AHCYL2: variants seen among roughly 807,000 people sequenced by gnomAD.
The protein encoded by AHCYL2 is adenosylhomocysteinase like 2.
Under a neutral mutation model 81.4 loss-of-function variants are expected in AHCYL2, and 28 were observed. The ratio of observed to expected loss-of-function variants is 0.34; its 90% CI spans 0.25 to 0.47. The LOEUF is 0.47. Ranked by LOEUF, AHCYL2 falls within the 20% of genes least tolerant of loss-of-function variation. AHCYL2 has a pLI of 1.00. For missense variants in AHCYL2, 551 were observed against 785.1 expected (o/e 0.70, Z 3.56); for synonymous variants, 272 against 290.2 (o/e 0.94, Z 0.64).
At chr7:129,399,355 G>A (rs1333414769) in intron 5 of AHCYL2, among the ~76,000 whole-genome samples, 1 of 150,730 alleles carries the variant, frequency 6.6e-6, no homozygotes, top group Non-Finnish European at 1.5e-5. Flanking sequence ...GCTAAGGCAG[G>A]AGAATCGCTT....
chr7:129,328,043 C>T (rs907940476), intron 1 of AHCYL2, among the ~76,000 whole-genome samples: 1 of 152,216 alleles, frequency 6.6e-6, no homozygotes, highest in Admixed American at 6.5e-5. Context: ...AGTGATCTTC[C>T]TATGTCTGCC....
At chr7:129,369,488 T>G (rs922234026) in intron 1 of AHCYL2, among the ~76,000 whole-genome samples, 1 of 152,164 alleles carries the variant, frequency 6.6e-6, no homozygotes, top group African/African-American at 2.4e-5. Context: ...CAACTATTTT[T>G]TATTGTTTTG....
rs141381723 is a variant in AHCYL2, at chr7:129,244,135, A to G, written c.363+18696A>G. ...AGCCTCAGCCTTCCCTGTAGCTGGGACTACAGGTGTATGGGCCATCATGCC... is the reference window on the plus strand; with the variant it reads ...AGCCTCAGCCTTCCCTGTAGCTGGGGCTACAGGTGTATGGGCCATCATGCC... On this transcript the variant is annotated intron_variant, in intron 1 of 16. Transcript: ENST00000325006. Among the ~76,000 whole-genome samples, 327 of 150,614 alleles carry G rather than the reference A, an allele frequency of 2.2e-3. 1 individual carries two copies. Among genetic ancestry groups the G allele is most frequent in the African/African-American group, 7.2e-3 (293 of 40,966 alleles).
chr7:129,298,013 C>T (rs1050933517), intron 1 of AHCYL2, among the ~76,000 whole-genome samples: 2 of 152,092 alleles, frequency 1.3e-5, no homozygotes, highest in African/African-American at 2.4e-5. Context: ...TGGGTGACAG[C>T]GAGATCCTGT....
At chr7:129,414,231 T>C (rs1796732615) in intron 12 of AHCYL2, among the ~76,000 whole-genome samples, 1 of 152,164 alleles carries the variant, frequency 6.6e-6, no homozygotes, top group African/African-American at 2.4e-5. Context: ...TTTTCCAAAC[T>C]GTAGTAATTG....
At chr7:129,244,167 A>ATTTTT (rs201537468) in intron 1 of AHCYL2, among the ~76,000 whole-genome samples, 1 of 123,224 alleles carries the variant, frequency 8.1e-6, no homozygotes. Context: ...TGCCTAATTC[A>ATTTTT]TTTTTTTTTT....
At position 129,368,700 on chromosome 7, in the gene AHCYL2, C is replaced by T; in HGVS notation, c.364-10938C>T. 2 of 936,724 alleles carry T rather than the reference C, an allele frequency of 2.1e-6. No individual in the cohort carries two copies. Among genetic ancestry groups the T allele is most frequent in the African/African-American group, 3.3e-5 (2 of 60,830 alleles). The allele number at this position is 936,724 out of a possible 1,614,324, so 58.0% of individuals were successfully genotyped here. ...TATTACTCTACGTTCTGATTAGTTC[C>T]TAGGTACTAGGTCACCACTGTTTCT... On this transcript the variant is annotated intron_variant, in intron 1 of 16. Transcript: ENST00000325006. The surrounding 1 kb of genome is among the most constrained non-coding windows in gnomAD (Gnocchi z 4.4).
At chr7:129,267,114 A>C (rs1795835582) in intron 1 of AHCYL2, among the ~76,000 whole-genome samples, 1 of 152,188 alleles carries the variant, frequency 6.6e-6, no homozygotes, top group Admixed American at 6.5e-5. Context: ...AAGTGAAAAC[A>C]AAAAAAGATT....
intron 1 of AHCYL2, among the ~76,000 whole-genome samples, chr7:129,355,010 T>C (rs1019547133): frequency 6.6e-6 from 1 of 152,142 alleles, no homozygotes; most frequent in Non-Finnish European, 1.5e-5. Flanking sequence ...CCCGATCCTT[T>C]TGGGATCATA....
In AHCYL2 at chr7:129,426,543, C is replaced by A. The variant is rs769323886; in HGVS notation, c.1809C>A (p.Pro603=). 1 of 1,613,964 alleles carries A rather than the reference C, an allele frequency of 6.2e-7. No homozygotes were observed. Among genetic ancestry groups the A allele is most frequent in the Non-Finnish European group, 8.5e-7 (1 of 1,179,944 alleles). The change falls in exon 16 of 17, where the codon CCC becomes CCA. Residue 603 remains proline, a synonymous_variant. Coordinates refer to ENST00000325006, the MANE Select transcript of AHCYL2 (RefSeq NM_015328.4). The surrounding 1 kb of genome is among the most constrained non-coding windows in gnomAD (Gnocchi z 4.3). ...ATCTGGGACTCAACAAGAATGGGCC[C>A]TTCAAGCCTAATTACTACAGGTGCC... ...AKYLGLNKNG[P]FKPNYYRY
chr7:129,412,040 ATAG>A (rs1796604356), intron 11 of AHCYL2, among the ~76,000 whole-genome samples: 1 of 152,162 alleles, frequency 6.6e-6, no homozygotes, highest in Admixed American at 6.5e-5. Flanking sequence ...GCTGGATCAT[ATAG>A]TAACTTTGTT....
intron 1 of AHCYL2, among the ~76,000 whole-genome samples, chr7:129,264,290 G>A (rs1795743230): frequency 1.3e-5 from 2 of 152,362 alleles, no homozygotes; most frequent in South Asian, 2.1e-4. Context: ...CAAAGTGCGG[G>A]ATTACAGGCG....
intron 1 of AHCYL2, among the ~76,000 whole-genome samples, chr7:129,331,151 T>G (rs1363947712): frequency 3.9e-5 from 6 of 152,212 alleles, no homozygotes; most frequent in Non-Finnish European, 8.8e-5. Context: ...ATTAAAAGAT[T>G]TGCATATTTT....
intron 1 of AHCYL2, among the ~76,000 whole-genome samples, chr7:129,369,742 G>T (rs1794290091): frequency 6.6e-6 from 1 of 151,944 alleles, no homozygotes; most frequent in South Asian, 2.1e-4. Context: ...GGTGGAGATG[G>T]GGTTTCACCA....
Position 129,407,000 on chromosome 7 carries a change from A to G in AHCYL2, c.1295+534A>G, listed in dbSNP as rs1796338172. On this transcript the variant is annotated intron_variant, in intron 10 of 16. Coordinates refer to ENST00000325006, the MANE Select transcript of AHCYL2 (RefSeq NM_015328.4). The surrounding 1 kb of genome is among the most constrained non-coding windows in gnomAD (Gnocchi z 4.3). Reference sequence around the variant, plus strand: ...TTAAAAGTTAAAACTTTTCTTATCTATAAAATGTGTGTAATCATACCTACC... The same window carrying G: ...TTAAAAGTTAAAACTTTTCTTATCTGTAAAATGTGTGTAATCATACCTACC... Among the ~76,000 whole-genome samples, 1 of 152,226 alleles carries G rather than the reference A, an allele frequency of 6.6e-6. No homozygotes were observed. The highest frequency in any genetic ancestry group is 1.5e-5 in the Non-Finnish European group (1 of 68,034).
intron 1 of AHCYL2, among the ~76,000 whole-genome samples, chr7:129,360,342 C>T (rs1475889676): frequency 6.6e-6 from 1 of 152,146 alleles, no homozygotes; most frequent in Non-Finnish European, 1.5e-5. Flanking sequence ...TCTCGAACTC[C>T]CGACCTCAGG....
At chr7:129,399,982 T>C (rs1795950480) in intron 5 of AHCYL2, among the ~76,000 whole-genome samples, 1 of 152,140 alleles carries the variant, frequency 6.6e-6, no homozygotes, top group African/African-American at 2.4e-5. Context: ...CACCTCAGCC[T>C]CCCAAGGTGC....
intron 1 of AHCYL2, among the ~76,000 whole-genome samples, chr7:129,321,142 T>C (rs1584780473): frequency 1.3e-5 from 2 of 152,338 alleles, no homozygotes; most frequent in East Asian, 3.9e-4. Context: ...AATTTTACTT[T>C]TTTCTTTCCA....
In AHCYL2 at chr7:129,383,396, C is replaced by G. The variant is rs146877375; in HGVS notation, c.475+3647C>G. Among the ~76,000 whole-genome samples, 404 of 152,050 alleles carry G rather than the reference C, an allele frequency of 2.7e-3. 1 individual carries two copies. The highest frequency in any genetic ancestry group is 9.4e-3 in the African/African-American group (389 of 41,472). On this transcript the variant is annotated intron_variant, in intron 2 of 16. Coordinates refer to ENST00000325006, the MANE Select transcript of AHCYL2 (RefSeq NM_015328.4). ...TGTTGCCTAGGCTGGTCTCAAACTC[C>G]TGGCCTCAAGCAATCCTCCTCCCAA...
Sources: gnomAD v4.1 joint callset for allele counts (sites outside exome capture counted in the v4.1 genomes callset) on GRCh38, gnomAD v4.1.1 for gene constraint, Gnocchi (gnomAD v3.1) non-coding constraint, MANE v1.5 for transcripts, NCBI Gene and HGNC (gene_info 2026-07-23, HGNC 2026-07-21) for gene names.